Variants in IL3RA observed in about 807,000 individuals in gnomAD.
IL3RA encodes the protein interleukin-3 receptor subunit alpha.
IL3RA carries 73 observed loss-of-function variants against 52.3 expected under a neutral mutation model. That is an observed-to-expected ratio of 1.40 (90% CI 1.16 to 1.70). The LOEUF (loss-of-function observed/expected upper bound fraction) is 1.70. IL3RA is among the 40% of genes most tolerant of loss of function. IL3RA has a pLI of 0.00. For synonymous variants in IL3RA, 260 were observed against 194.0 expected (o/e 1.34, Z -2.83); for missense variants, 664 against 504.4 (o/e 1.32, Z -3.03).
Position 1,348,126 on chromosome X carries a change from C to T in IL3RA, c.184-305C>T, listed in dbSNP as rs774526028. On this transcript the variant is annotated intron_variant, in intron 3 of 11. Transcript: ENST00000331035. ...CTTTGGGAGGCTGAGGCAGGCGGATCACATGAGGTCAGGAGTTCGAGACCA... is the reference window on the plus strand; with the variant it reads ...CTTTGGGAGGCTGAGGCAGGCGGATTACATGAGGTCAGGAGTTCGAGACCA... 2.7e-5 allele frequency among the ~76,000 whole-genome samples: 4 copies of T among 150,662 alleles called. No homozygotes were observed. The South Asian group carries it at 6.3e-4, about 24-fold the overall frequency.
intron 3 of IL3RA, among the ~76,000 whole-genome samples, chrX:1,346,746 T>TG (rs1237958529): frequency 1.3e-5 from 2 of 151,426 alleles, no homozygotes; most frequent in African/African-American, 4.9e-5. Flanking sequence ...CCAGACCTCA[T>TG]GGGGTGGCCC....
intron 6 of IL3RA, among the ~76,000 whole-genome samples, chrX:1,353,336 C>T (rs112963768): frequency 0.024 from 2,561 of 107,440 alleles, 185 homozygotes; most frequent in African/African-American, 0.092. Context: ...ACCCCCCCAT[C>T]ATGGGTCCCA....
intron 9 of IL3RA, among the ~76,000 whole-genome samples, chrX:1,370,339 G>A (rs1233201216): frequency 1.2e-3 from 2 of 1,736 alleles, no homozygotes; most frequent in East Asian, 0.023. Context: ...CCCTGTGAGG[G>A]CACAGGGAGA....
chrX:1,376,896 C>G (rs1285327946), intron 9 of IL3RA, among the ~76,000 whole-genome samples: 1 of 133,768 alleles, frequency 7.5e-6, no homozygotes, highest in Non-Finnish European at 1.5e-5. Flanking sequence ...GTCTCCAAGC[C>G]CAGGAGAGGG....
At chrX:1,357,327 C>T (rs1239283596) in intron 7 of IL3RA, among the ~76,000 whole-genome samples, 1 of 151,040 alleles carries the variant, frequency 6.6e-6, no homozygotes, top group African/African-American at 2.4e-5. Flanking sequence ...AGACGGAGTC[C>T]TGCTCTGTCA....
intron 11 of IL3RA, among the ~76,000 whole-genome samples, chrX:1,382,121 C>G (rs1603449519): frequency 6.7e-6 from 1 of 149,042 alleles, no homozygotes; most frequent in Admixed American, 6.7e-5. Flanking sequence ...CCAGCTAATT[C>G]TGCATTTTTA....
In IL3RA at chrX:1,352,835, A is replaced by AC. The variant is rs1191061129; in HGVS notation, c.616+335dup. ...AGGATCCCTCACCATGGGTCATGGG[A>AC]CCCCCCATCATGGGTTCCATCATGG... On this transcript the variant is annotated intron_variant, in intron 6 of 11. Transcript: ENST00000331035. Among the ~76,000 whole-genome samples the AC allele has an allele frequency of 1.1e-4, 16 of 151,302 alleles. 1 individual carries two copies. Among genetic ancestry groups the AC allele is most frequent in the South Asian group, 6.3e-4 (3 of 4,770 alleles).
intron 1 of IL3RA, among the ~76,000 whole-genome samples, chrX:1,338,704 T>C (rs1391346162): frequency 6.6e-6 from 1 of 151,746 alleles, no homozygotes; most frequent in African/African-American, 2.4e-5. Flanking sequence ...AGACAGAAAG[T>C]GGATGAGTGG....
chrX:1,348,103 T>C (rs1371107712), intron 3 of IL3RA, among the ~76,000 whole-genome samples: 2 of 150,174 alleles, frequency 1.3e-5, no homozygotes, highest in Admixed American at 1.3e-4. Flanking sequence ...TCCCAGCACT[T>C]TGGGAGGCTG....
chrX:1,381,783 C>T (rs1243314070), intron 11 of IL3RA, among the ~76,000 whole-genome samples: 9 of 151,082 alleles, frequency 6.0e-5, no homozygotes, highest in African/African-American at 1.9e-4. Flanking sequence ...ACCTTGTGAT[C>T]CCCCTGCCTC....
At chrX:1,342,040 A>C (rs1199659544) in intron 2 of IL3RA, among the ~76,000 whole-genome samples, 1 of 152,118 alleles carries the variant, frequency 6.6e-6, no homozygotes, top group Non-Finnish European at 1.5e-5. Context: ...ATACGACCTC[A>C]CAGGCAGGGA....
intron 3 of IL3RA, among the ~76,000 whole-genome samples, chrX:1,346,990 C>T (rs1317224559): frequency 3.3e-5 from 5 of 150,912 alleles, no homozygotes; most frequent in South Asian, 2.1e-4. Flanking sequence ...AATCCCAGAG[C>T]GATTTTACCA....
At chrX:1,377,511 G>T (rs1243674508) in intron 9 of IL3RA, among the ~76,000 whole-genome samples, 1 of 152,050 alleles carries the variant, frequency 6.6e-6, no homozygotes, top group Non-Finnish European at 1.5e-5. Flanking sequence ...CCAAAGCGCT[G>T]GGATTACAGG....
chrX:1,356,368 C>A (rs1262302951), intron 7 of IL3RA, 32 bp downstream of exon 7: 8 of 1,378,924 alleles, frequency 5.8e-6, no homozygotes, highest in South Asian at 1.2e-5. Context: ...AGCCCCCCCA[C>A]CCCCGTGGAC....
intron 9 of IL3RA, among the ~76,000 whole-genome samples, chrX:1,376,655 T>C (rs1476661635): frequency 1.3e-5 from 2 of 148,430 alleles, no homozygotes. Flanking sequence ...GAAGACGGCG[T>C]CTCCAAGCCC....
chrX:1,344,122 G>A (rs2085621486), intron 2 of IL3RA, among the ~76,000 whole-genome samples: 1 of 151,970 alleles, frequency 6.6e-6, no homozygotes. Flanking sequence ...GCTCACAGAA[G>A]TCTCCTGTGT....
chrX:1,368,110 T>C (rs1225470847), intron 9 of IL3RA, among the ~76,000 whole-genome samples: 1 of 151,938 alleles, frequency 6.6e-6, no homozygotes, highest in South Asian at 2.1e-4. Context: ...ATGTAACAAA[T>C]TAGCCAGGCG....
At chrX:1,341,452 GCAAA>G (rs17879650) in intron 1 of IL3RA, among the ~76,000 whole-genome samples, 13,152 of 152,200 alleles carry the variant, frequency 0.086, 695 homozygotes, top group African/African-American at 0.15. Flanking sequence ...CTGCAAATGT[GCAAA>G]CAGACATGGC....
chrX:1,365,077 C>A, intron 8 of IL3RA, 61 bp from the exon 9 acceptor site: 2 of 1,278,952 alleles, frequency 1.6e-6, no homozygotes, highest in Non-Finnish European at 1.1e-6. Context: ...CCTAAGTGCC[C>A]AGGTGAGAGT....
Sources: gnomAD v4.1 joint callset for allele counts (sites outside exome capture counted in the v4.1 genomes callset) on GRCh38, gnomAD v4.1.1 for gene constraint, MANE v1.5 for transcripts, NCBI Gene and HGNC (gene_info 2026-07-23, HGNC 2026-07-21) for gene names.